DACH1: variants seen among roughly 807,000 people sequenced by gnomAD.
DACH1 encodes the protein dachshund family transcription factor 1.
DACH1 carries 12 observed loss-of-function variants against 54.2 expected under a neutral mutation model. The ratio of observed to expected loss-of-function variants is 0.22; its 90% confidence interval spans 0.14 to 0.36. The LOEUF is 0.36. Ranked by LOEUF, DACH1 falls within the 10% of genes least tolerant of loss-of-function variation. DACH1 has a pLI of 1.00. For missense variants in DACH1, 805 were observed against 929.8 expected (o/e 0.87, Z 1.75); for synonymous variants, 386 against 366.2 (o/e 1.05, Z -0.62).
chr13:71,696,328 A>G (rs1881830782), intron 1 of DACH1, among the ~76,000 whole-genome samples: 1 of 152,152 alleles, frequency 6.6e-6, no homozygotes, highest in South Asian at 2.1e-4. Context: ...CAATAACTCT[A>G]TGATATAACT....
At chr13:71,804,025 T>A (rs1214954861) in intron 1 of DACH1, among the ~76,000 whole-genome samples, 1 of 151,996 alleles carries the variant, frequency 6.6e-6, no homozygotes, top group East Asian at 1.9e-4. Flanking sequence ...CCTTTAAAAA[T>A]ATATGCTACA....
chr13:71,592,494 C>CAAAAAAAAAAAAAAAA (rs575364116), intron 3 of DACH1, among the ~76,000 whole-genome samples: 4 of 32,776 alleles, frequency 1.2e-4, no homozygotes, highest in East Asian at 1.6e-3. Context: ...GACTCTATCT[C>CAAAAAAAAAAAAAAAA]AAAAAAAAAA....
chr13:71,500,106 A>T (rs1185882961), intron 6 of DACH1, among the ~76,000 whole-genome samples: 3 of 152,150 alleles, frequency 2.0e-5, no homozygotes, highest in Non-Finnish European at 4.4e-5. Flanking sequence ...TGGTGGAAAA[A>T]GCAGGAAACT....
At chr13:71,508,995 C>T (rs1880552118) in intron 6 of DACH1, among the ~76,000 whole-genome samples, 1 of 152,088 alleles carries the variant, frequency 6.6e-6, no homozygotes, top group Non-Finnish European at 1.5e-5. Context: ...CAAATTATCC[C>T]TTCAAAATAT....
intron 3 of DACH1, among the ~76,000 whole-genome samples, chr13:71,589,514 T>C (rs1873535374): frequency 6.6e-6 from 1 of 151,992 alleles, no homozygotes; most frequent in African/African-American, 2.4e-5. Context: ...CTCATATTCA[T>C]TAAGTCAAAT....
intron 1 of DACH1, among the ~76,000 whole-genome samples, chr13:71,781,159 C>T (rs1004408851): frequency 6.6e-6 from 1 of 151,640 alleles, no homozygotes; most frequent in Non-Finnish European, 1.5e-5. Context: ...TTTCACTGTG[C>T]CTTCCCTTTG....
chr13:71,613,512 G>C (rs898319559), intron 3 of DACH1, among the ~76,000 whole-genome samples: 3 of 152,138 alleles, frequency 2.0e-5, no homozygotes, highest in African/African-American at 7.2e-5. Flanking sequence ...AAAAGACAAG[G>C]AGTGAAAACA....
At chr13:71,588,986 C>T (rs908549252) in intron 3 of DACH1, among the ~76,000 whole-genome samples, 2 of 151,756 alleles carry the variant, frequency 1.3e-5, no homozygotes, top group African/African-American at 4.8e-5. Context: ...GACATATTAC[C>T]ATTATTAGCA....
At chr13:71,549,895 A>C (rs1883699592) in intron 6 of DACH1, among the ~76,000 whole-genome samples, 1 of 152,156 alleles carries the variant, frequency 6.6e-6, no homozygotes, top group Admixed American at 6.6e-5. Flanking sequence ...CAAAATATTT[A>C]TTGAATGAAT....
intron 1 of DACH1, among the ~76,000 whole-genome samples, chr13:71,830,715 G>T (rs1208913624): frequency 6.6e-6 from 1 of 151,760 alleles, no homozygotes; most frequent in Non-Finnish European, 1.5e-5. Flanking sequence ...CTCCTGAAGG[G>T]AAAAGAAGAC....
intron 1 of DACH1, among the ~76,000 whole-genome samples, chr13:71,812,831 C>A (rs1358008738): frequency 6.6e-6 from 1 of 152,150 alleles, no homozygotes; most frequent in Non-Finnish European, 1.5e-5. Flanking sequence ...TTTCAAATAT[C>A]TACATCTCCT....
At chr13:71,598,192 C>A (rs1376344207) in intron 3 of DACH1, among the ~76,000 whole-genome samples, 1 of 152,034 alleles carries the variant, frequency 6.6e-6, no homozygotes, top group Non-Finnish European at 1.5e-5. Context: ...AGTAATGGGA[C>A]CTGGAAAACC....
chr13:71,499,043 CA>C (rs1232328988), intron 6 of DACH1, among the ~76,000 whole-genome samples: 5 of 151,700 alleles, frequency 3.3e-5, no homozygotes, highest in Non-Finnish European at 7.4e-5. Context: ...GTTCCTTTGA[CA>C]ATTTGAAATT....
intron 6 of DACH1, among the ~76,000 whole-genome samples, chr13:71,499,749 A>C (rs1487868765): frequency 1.3e-5 from 2 of 152,186 alleles, no homozygotes; most frequent in African/African-American, 2.4e-5. Flanking sequence ...TGTGTACTTT[A>C]ATAATCTACT....
chr13:71,523,475 A>T (rs934221929), intron 6 of DACH1, among the ~76,000 whole-genome samples: 1 of 152,118 alleles, frequency 6.6e-6, no homozygotes, highest in Non-Finnish European at 1.5e-5. Context: ...CCTCCAGTAA[A>T]CTGTCGTGAA....
chr13:71,637,179 C>G (rs767062417), intron 2 of DACH1, among the ~76,000 whole-genome samples: 34 of 151,948 alleles, frequency 2.2e-4, no homozygotes, highest in African/African-American at 7.5e-4. Context: ...TCTGGGATGG[C>G]GCAGCGAGTT....
rs139984319 is a variant in DACH1, at chr13:71,550,720, C to T, written c.1570+6304G>A. ...CGGCTTTGCATATGAAATCTGCTAT[C>T]TACTTAAGAAAGAGCTCTGGGATCC... On this transcript the variant is annotated intron_variant, in intron 6 of 10. Coordinates refer to ENST00000613252, the MANE Select transcript of DACH1 (RefSeq NM_080759.6). 3.9e-5 allele frequency among the ~76,000 whole-genome samples: 6 copies of T among 152,136 alleles called. No individual in the cohort carries two copies. The East Asian group carries it at 9.7e-4, about 25-fold the overall frequency.
chr13:71,562,283 G>C (rs189055214), intron 4 of DACH1, among the ~76,000 whole-genome samples: 1 of 152,086 alleles, frequency 6.6e-6, no homozygotes, highest in African/African-American at 2.4e-5. Context: ...GTAGGTAAAT[G>C]TAAGCAACAC....
At chr13:71,537,130 T>A (rs1006042691) in intron 6 of DACH1, among the ~76,000 whole-genome samples, 1 of 152,094 alleles carries the variant, frequency 6.6e-6, no homozygotes, top group African/African-American at 2.4e-5. Flanking sequence ...TGCTTTAATC[T>A]TTATGCTCTG....
Sources: gnomAD v4.1 joint callset for allele counts (sites outside exome capture counted in the v4.1 genomes callset) on GRCh38, gnomAD v4.1.1 for gene constraint, MANE v1.5 for transcripts, NCBI Gene and HGNC (gene_info 2026-07-23, HGNC 2026-07-21) for gene names.